The following CRISPLD2 variants were observed in gnomAD, a reference collection of about 807,000 sequenced individuals.
CRISPLD2 encodes cysteine rich secretory protein LCCL domain containing 2, also known as cysteine-rich secretory protein LCCL domain-containing 2.
Under a neutral mutation model 71.1 loss-of-function variants are expected in CRISPLD2, and 47 were observed. The ratio of observed to expected loss-of-function variants is 0.66; its 90% CI spans 0.52 to 0.84. The LOEUF (loss-of-function observed/expected upper bound fraction) is 0.84, where lower values mean the gene tolerates loss of function less well. Among genes scored for constraint, CRISPLD2 ranks in the 40% least tolerant of loss-of-function variants. The pLI is 0.00. For synonymous variants in CRISPLD2, 317 were observed against 250.1 expected (o/e 1.27, Z -2.52); for missense variants, 830 against 651.1 (o/e 1.27, Z -2.99).
chr16:84,894,847 G>A (rs917506386), intron 14 of CRISPLD2, among the ~76,000 whole-genome samples: 1 of 152,076 alleles, frequency 6.6e-6, no homozygotes, highest in Non-Finnish European at 1.5e-5. Flanking sequence ...CCCACGGCTG[G>A]TGGCTACTGT....
At chr16:84,877,711 A>T (rs1396230277) in intron 12 of CRISPLD2, among the ~76,000 whole-genome samples, 2 of 152,024 alleles carry the variant, frequency 1.3e-5, no homozygotes, top group Non-Finnish European at 2.9e-5. Context: ...TTAGTCAGCC[A>T]TGGCGGTGGG....
At chr16:84,845,758 C>T (rs1567684655) in intron 2 of CRISPLD2, 28 bp from the exon 3 acceptor site, 3 of 1,511,014 alleles carry the variant, frequency 2.0e-6, no homozygotes, top group Middle Eastern at 3.4e-4. Context: ...CCCTCACCTC[C>T]TGGTGCCCGT....
intron 13 of CRISPLD2, 71 bp from the exon 14 acceptor site, chr16:84,889,159 T>C: frequency 6.2e-7 from 1 of 1,606,690 alleles, no homozygotes; most frequent in Non-Finnish European, 8.5e-7. Flanking sequence ...CAGTGAATGA[T>C]GGAGCCCCAG....
At chr16:84,886,544 G>T (rs977173391) in intron 13 of CRISPLD2, among the ~76,000 whole-genome samples, 1 of 152,122 alleles carries the variant, frequency 6.6e-6, no homozygotes, top group East Asian at 1.9e-4. Context: ...TTCACCATAA[G>T]CCAGGCAATG....
intron 3 of CRISPLD2, among the ~76,000 whole-genome samples, chr16:84,847,458 T>TG (rs1441353015): frequency 6.6e-6 from 1 of 152,196 alleles, no homozygotes. Context: ...AAGACTATCC[T>TG]GGCCAACATA....
chr16:84,875,289 T>C (rs73251519), intron 11 of CRISPLD2, among the ~76,000 whole-genome samples: 7,997 of 150,366 alleles, frequency 0.053, 713 homozygotes, highest in African/African-American at 0.19. Flanking sequence ...GTCAGGAATA[T>C]ATTTCTGTGC....
intron 13 of CRISPLD2, among the ~76,000 whole-genome samples, chr16:84,884,992 A>G (rs559805868): frequency 1.4e-4 from 21 of 152,342 alleles, no homozygotes; most frequent in African/African-American, 5.1e-4. Context: ...GTACTGCAGC[A>G]GTTGGCAGTG....
chr16:84,872,350 A>G (rs112893966), intron 8 of CRISPLD2, 92 bp from the exon 9 acceptor site: 1 of 1,036,212 alleles, frequency 9.7e-7, no homozygotes, highest in Non-Finnish European at 1.5e-6. Flanking sequence ...TATATTTAGT[A>G]ATAGAGCCAT....
intron 13 of CRISPLD2, among the ~76,000 whole-genome samples, chr16:84,887,140 C>T (rs755257665): frequency 1.3e-5 from 2 of 152,286 alleles, no homozygotes; most frequent in African/African-American, 2.4e-5. Context: ...ATCTTCTCCC[C>T]GATGACCCCT....
rs1401344343 is a variant in CRISPLD2, at chr16:84,909,319, A to G, written c.*2677A>G. 1.3e-5 allele frequency: 2 copies of G among 152,574 alleles called. No homozygotes were observed. The highest frequency in any genetic ancestry group is 6.5e-5 in the Admixed American group (1 of 15,278). The allele number at this position is 152,574 out of a possible 1,614,324, so 9.5% of individuals were successfully genotyped here. A position where few individuals can be genotyped will look rare whatever the true frequency, so the allele number is the denominator to read the frequency against. On this transcript the variant is annotated 3_prime_UTR_variant, in exon 15 of 15. Transcript: ENST00000262424. ...GCAGTTTATGTGTGTGCTTTTTTCT[A>G]TGAAAAATGATGTATTTTGCTACTT... is the stretch of plus-strand genomic sequence containing the variant.
rs944514927 is a variant in CRISPLD2, at chr16:84,907,780, A to C, written c.*1138A>C. 2.0e-5 allele frequency: 3 copies of C among 152,134 alleles called. No homozygotes were observed. The highest frequency in any genetic ancestry group is 7.2e-5 in the African/African-American group (3 of 41,406). 9.4% of individuals were successfully genotyped at this position (152,134 alleles called of 1,614,324 possible). A position where few individuals can be genotyped will look rare whatever the true frequency, so the allele number is the denominator to read the frequency against. ...CCGTCTGTGGCCTCATGACAGCGAG[A>C]GATGGGAATACACTAGAAGGATCTC... On this transcript the variant is annotated 3_prime_UTR_variant, in exon 15 of 15. Coordinates refer to ENST00000262424, the MANE Select transcript of CRISPLD2 (RefSeq NM_031476.4).
intron 14 of CRISPLD2, among the ~76,000 whole-genome samples, chr16:84,904,306 C>T (rs187059162): frequency 6.6e-6 from 1 of 151,882 alleles, no homozygotes; most frequent in Non-Finnish European, 1.5e-5. Flanking sequence ...GTGATTGGGC[C>T]TGGTACGGTG....
rs989086899 is a variant in CRISPLD2 at position 84,841,698 on chromosome 16, C to T, written c.240+2963C>T. ...GCAACCCCCGACCCCTGGGTTCAAG[C>T]GATTCTCCTGTCTCGGCCTCCCAAG... On this transcript the variant is annotated intron_variant, in intron 2 of 14. Coordinates refer to ENST00000262424, the MANE Select transcript of CRISPLD2 (RefSeq NM_031476.4). Among the ~76,000 whole-genome samples the T allele has an allele frequency of 7.8e-4, 119 of 151,982 alleles. 1 individual carries two copies. Among genetic ancestry groups the T allele is most frequent in the South Asian group, 6.2e-4 (3 of 4,816 alleles).
intron 6 of CRISPLD2, among the ~76,000 whole-genome samples, chr16:84,866,161 G>A (rs576511772): frequency 6.6e-6 from 1 of 152,242 alleles, no homozygotes; most frequent in East Asian, 1.9e-4. Flanking sequence ...CCCTTCCCCA[G>A]TGAAAACCCA....
In CRISPLD2 at chr16:84,837,458, C is replaced by A. The variant is rs1372635678; in HGVS notation, c.-74-964C>A. Among the ~76,000 whole-genome samples the A allele has an allele frequency of 2.0e-5, 3 of 151,560 alleles. No individual in the cohort carries two copies. The South Asian group carries it at 6.3e-4, about 32-fold the overall frequency. ...CTGAGACGGAGTCTCGCTCTGTCGCCCAGGCTAGTGTGCAGTGGCGCAATC... is the reference window on the plus strand; with the variant it reads ...CTGAGACGGAGTCTCGCTCTGTCGCACAGGCTAGTGTGCAGTGGCGCAATC... On this transcript the variant is annotated intron_variant, in intron 1 of 14. Coordinates refer to ENST00000262424, the MANE Select transcript of CRISPLD2 (RefSeq NM_031476.4).
chr16:84,865,560 C>CT (rs1917513806), intron 6 of CRISPLD2, among the ~76,000 whole-genome samples: 1 of 152,064 alleles, frequency 6.6e-6, no homozygotes, highest in Admixed American at 6.6e-5. Flanking sequence ...GCCTTTTTTG[C>CT]TTGGGGAGCT....
chr16:84,876,532 C>T (rs1348457473), intron 11 of CRISPLD2, among the ~76,000 whole-genome samples: 1 of 149,286 alleles, frequency 6.7e-6, no homozygotes, highest in Non-Finnish European at 1.5e-5. Context: ...GTGGTTTCCA[C>T]CTGTAATCTT....
intron 8 of CRISPLD2, among the ~76,000 whole-genome samples, chr16:84,870,122 G>A (rs4782677): frequency 0.63 from 95,215 of 152,066 alleles, 31,426 homozygotes; most frequent in East Asian, 0.86. Flanking sequence ...TACAAAAATA[G>A]TAGTCAGTGG....
intron 6 of CRISPLD2, among the ~76,000 whole-genome samples, chr16:84,862,846 C>T (rs748723330): frequency 6.6e-6 from 1 of 152,036 alleles, no homozygotes; most frequent in Non-Finnish European, 1.5e-5. Context: ...GTCCCAGACC[C>T]TCTGAGGAGC....
Sources: gnomAD v4.1 joint callset for allele counts (sites outside exome capture counted in the v4.1 genomes callset) on GRCh38, gnomAD v4.1.1 for gene constraint, MANE v1.5 for transcripts, NCBI Gene and HGNC (gene_info 2026-07-23, HGNC 2026-07-21) for gene names.